The following PTPRZ1 variants were observed in gnomAD, a reference collection of about 807,000 sequenced individuals.
PTPRZ1 encodes protein tyrosine phosphatase receptor type Z1, also known as receptor-type tyrosine-protein phosphatase zeta.
A neutral mutation model predicts 214.1 loss-of-function variants in PTPRZ1; 82 were observed. That is an observed-to-expected ratio of 0.38 (90% CI 0.32 to 0.46). The LOEUF is 0.46. Ranked by LOEUF, PTPRZ1 falls within the 20% of genes least tolerant of loss-of-function variation. The probability of loss-of-function intolerance (pLI) is 1.00; values close to 1 mark genes in which losing one functional copy is unlikely to be tolerated. For synonymous variants in PTPRZ1, 945 were observed against 987.9 expected (o/e 0.96, Z 0.81); for missense variants, 2,603 against 2,748.7 (o/e 0.95, Z 1.19).
At chr7:121,915,540 C>G (rs1434266905) in intron 1 of PTPRZ1, among the ~76,000 whole-genome samples, 1 of 152,138 alleles carries the variant, frequency 6.6e-6, no homozygotes, top group Non-Finnish European at 1.5e-5. Context: ...TCAGCAGTCA[C>G]TATTTTCTTA....
chr7:121,966,875 C>A (rs548023417), intron 2 of PTPRZ1: 1 of 152,222 alleles, frequency 6.6e-6, no homozygotes, highest in Admixed American at 6.5e-5. Context: ...ATCCCCTAAA[C>A]CTCAATCATG....
chr7:121,984,134 A>C lies in PTPRZ1; in HGVS notation c.928+17A>C. The C allele has an allele frequency of 6.2e-7, 1 of 1,602,610 alleles. No homozygotes were observed. Among genetic ancestry groups the C allele is most frequent in the Non-Finnish European group, 8.5e-7 (1 of 1,172,834 alleles). On this transcript the variant is annotated intron_variant, in intron 8 of 29. Coordinates refer to ENST00000393386, the MANE Select transcript of PTPRZ1 (RefSeq NM_002851.3). ...ATGAAGCAGGTATGTATTTAAATAT[A>C]ATCTTCTACAACTCTCATAGATGCA...
At chr7:121,927,753 G>C (rs139743132) in intron 1 of PTPRZ1, among the ~76,000 whole-genome samples, 11 of 152,290 alleles carry the variant, frequency 7.2e-5, no homozygotes, top group African/African-American at 2.6e-4. Context: ...ATAAAACTTG[G>C]ATTGTAAACA....
At chr7:121,906,608 C>A (rs534713559) in intron 1 of PTPRZ1, among the ~76,000 whole-genome samples, 131 of 152,168 alleles carry the variant, frequency 8.6e-4, no homozygotes, top group Non-Finnish European at 7.5e-4. Context: ...CTGGCTGGCA[C>A]CACGTTTTCC....
intron 17 of PTPRZ1, 81 bp from the exon 18 acceptor site, chr7:122,036,519 A>G (rs1799541270): frequency 1.0e-6 from 1 of 961,246 alleles, no homozygotes; most frequent in African/African-American, 1.7e-5. Flanking sequence ...TGAATGAAAT[A>G]AATTATTATG....
At chr7:122,054,583 A>C (rs778721459) in intron 26 of PTPRZ1, among the ~76,000 whole-genome samples, 4 of 152,078 alleles carry the variant, frequency 2.6e-5, no homozygotes, top group Non-Finnish European at 5.9e-5. Context: ...TTTGATATTC[A>C]GTTCTTATCT....
chr7:121,996,533 G>A lies in PTPRZ1; in HGVS notation c.1080G>A (p.Lys360=). ...YQQLDGEDQT[K]HEFLTDGYQD... ...AGTTGGATGGAGAGGACCAAACCAA[G>A]CATGAATTTTTGACAGATGGCTATC... The change falls in exon 9 of 30, where the codon AAG becomes AAA. Residue 360 remains lysine, a synonymous_variant. Transcript: ENST00000393386. The A allele has an allele frequency of 2.5e-6, 4 of 1,597,030 alleles. No individual in the cohort carries two copies. The highest frequency in any genetic ancestry group is 2.3e-5 in the East Asian group (1 of 43,410).
intron 1 of PTPRZ1, among the ~76,000 whole-genome samples, chr7:121,879,381 A>C (rs745994147): frequency 2.0e-5 from 3 of 152,158 alleles, no homozygotes; most frequent in Non-Finnish European, 2.9e-5. Context: ...ATGGTCAGTA[A>C]TGAGTAAATA....
At chr7:122,025,177 A>G (rs7802911) in intron 13 of PTPRZ1, among the ~76,000 whole-genome samples, 10,828 of 152,258 alleles carry the variant, frequency 0.071, 463 homozygotes, top group East Asian at 0.2. Flanking sequence ...TAATAAAGAT[A>G]TAAGCACAAA....
chr7:122,050,366 A>C (rs1792134323), intron 23 of PTPRZ1, among the ~76,000 whole-genome samples: 1 of 145,730 alleles, frequency 6.9e-6, no homozygotes, highest in South Asian at 2.2e-4. Flanking sequence ...ACTCATGAGC[A>C]CAGGAGATTG....
intron 13 of PTPRZ1, among the ~76,000 whole-genome samples, chr7:122,023,635 ATTT>A (rs1293608171): frequency 2.3e-5 from 3 of 131,090 alleles, no homozygotes; most frequent in Admixed American, 8.6e-5. Flanking sequence ...TATATGTATA[ATTT>A]TATATATAAT....
chr7:121,883,660 C>G (rs948118440), intron 1 of PTPRZ1, among the ~76,000 whole-genome samples: 5 of 152,168 alleles, frequency 3.3e-5, no homozygotes, highest in African/African-American at 1.2e-4. Flanking sequence ...GAGTTTCACT[C>G]TTGTTGCCCA....
At chr7:121,953,028 C>A (rs532974265) in intron 2 of PTPRZ1, among the ~76,000 whole-genome samples, 1 of 152,148 alleles carries the variant, frequency 6.6e-6, no homozygotes, top group Non-Finnish European at 1.5e-5. Context: ...AGGTTAGAGG[C>A]AGCAATAGGC....
intron 1 of PTPRZ1, 108 bp downstream of exon 1, chr7:121,873,665 A>AG: frequency 3.6e-6 from 5 of 1,373,510 alleles, no homozygotes; most frequent in Non-Finnish European, 5.1e-6. Context: ...TCTAGCCAGG[A>AG]GGAAAAAGGG....
At chr7:122,020,915 A>G (rs1001591632) in intron 13 of PTPRZ1, among the ~76,000 whole-genome samples, 2 of 152,176 alleles carry the variant, frequency 1.3e-5, no homozygotes, top group African/African-American at 4.8e-5. Flanking sequence ...ACAAAAATAA[A>G]TATTGCTTTT....
At chr7:121,883,826 A>G (rs1368754947) in intron 1 of PTPRZ1, among the ~76,000 whole-genome samples, 1 of 152,116 alleles carries the variant, frequency 6.6e-6, no homozygotes, top group Admixed American at 6.5e-5. Flanking sequence ...GGGTTTCTCC[A>G]TATTGGTCAG....
At chr7:121,975,548 G>T (rs541317498) in intron 4 of PTPRZ1, among the ~76,000 whole-genome samples, 1 of 152,082 alleles carries the variant, frequency 6.6e-6, no homozygotes, top group Admixed American at 6.6e-5. Context: ...TATGCTTTAT[G>T]CTCTCAGAGG....
At position 122,061,490 on chromosome 7, in the gene PTPRZ1, T is replaced by C; in HGVS notation, c.*270T>C. 1 of 219,542 alleles carries C rather than the reference T, an allele frequency of 4.6e-6. No homozygotes were observed. The highest frequency in any genetic ancestry group is 8.9e-6 in the Non-Finnish European group (1 of 112,794). 13.6% of individuals were successfully genotyped at this position (219,542 alleles called of 1,614,324 possible). On this transcript the variant is annotated 3_prime_UTR_variant, in exon 30 of 30. Coordinates refer to ENST00000393386, the MANE Select transcript of PTPRZ1 (RefSeq NM_002851.3). ...GTGGTATTTTTTTCTGTATTGATTTTAACAGAAAATTTCAATTTATAGAGG... is the reference window on the plus strand; with the variant it reads ...GTGGTATTTTTTTCTGTATTGATTTCAACAGAAAATTTCAATTTATAGAGG...
intron 1 of PTPRZ1, among the ~76,000 whole-genome samples, chr7:121,874,039 GACACACAC>G (rs10640393): frequency 1.4e-5 from 2 of 147,932 alleles, no homozygotes; most frequent in Admixed American, 6.7e-5. Context: ...GTGAATTGCA[GACACACAC>G]ACACACACAC....
Sources: gnomAD v4.1 joint callset for allele counts (sites outside exome capture counted in the v4.1 genomes callset) on GRCh38, gnomAD v4.1.1 for gene constraint, MANE v1.5 for transcripts, NCBI Gene and HGNC (gene_info 2026-07-23, HGNC 2026-07-21) for gene names.